EIPR1: variants seen among roughly 807,000 people sequenced by gnomAD.
EIPR1 encodes EARP and GARP complex-interacting protein 1.
In EIPR1, 25 loss-of-function variants were observed where a neutral mutation model predicts 48.1. The observed-to-expected ratio is 0.52, with a 90% CI of 0.38 to 0.73. EIPR1 has a LOEUF of 0.73. Ranked by LOEUF, EIPR1 falls within the 30% of genes least tolerant of loss-of-function variation. EIPR1 has a pLI of 0.00. For missense variants in EIPR1, 415 were observed against 506.2 expected (o/e 0.82, Z 1.73); for synonymous variants, 204 against 201.9 (o/e 1.01, Z -0.09).
At chr2:3,233,481 T>C (rs1375085336) in intron 4 of EIPR1, among the ~76,000 whole-genome samples, 1 of 152,194 alleles carries the variant, frequency 6.6e-6, no homozygotes, top group Non-Finnish European at 1.5e-5. Context: ...TTTCCCAAAT[T>C]GTCTTCCTAG....
chr2:3,356,815 C>T (rs1000970430), intron 1 of EIPR1, among the ~76,000 whole-genome samples: 1 of 152,220 alleles, frequency 6.6e-6, no homozygotes, highest in Non-Finnish European at 1.5e-5. Flanking sequence ...GGAGGCAGGG[C>T]CTAAGGCCAA....
At chr2:3,269,480 G>GTCATCGCATTCAA (rs1667618728) in intron 3 of EIPR1, among the ~76,000 whole-genome samples, 1 of 31,230 alleles carries the variant, frequency 3.2e-5, no homozygotes, top group African/African-American at 1.4e-4. Context: ...ATCGCACTCA[G>GTCATCGCATTCAA]TCATCGCACT....
intron 3 of EIPR1, among the ~76,000 whole-genome samples, chr2:3,314,829 G>A (rs944728440): frequency 1.8e-4 from 28 of 151,830 alleles, no homozygotes; most frequent in Admixed American, 1.2e-3. Context: ...ATGCACCTGC[G>A]GATGCTCTCA....
At chr2:3,299,626 A>T (rs3916770) in intron 3 of EIPR1, among the ~76,000 whole-genome samples, 3,337 of 134,116 alleles carry the variant, frequency 0.025, 43 homozygotes, top group Non-Finnish European at 0.033. Flanking sequence ...TCTCTCTCTC[A>T]CACACACACA....
At chr2:3,310,979 G>A (rs1023456466) in intron 3 of EIPR1, among the ~76,000 whole-genome samples, 4 of 151,890 alleles carry the variant, frequency 2.6e-5, no homozygotes, top group African/African-American at 9.7e-5. Flanking sequence ...GAAATTTTAC[G>A]TACAAGACCC....
chr2:3,310,652 C>CAAAAAAAAAAAAA (rs751422009), intron 3 of EIPR1, among the ~76,000 whole-genome samples: 1 of 55,294 alleles, frequency 1.8e-5, no homozygotes, highest in Non-Finnish European at 4.0e-5. Context: ...GACTCCGTCT[C>CAAAAAAAAAAAAA]AAAAAAAAAA....
chr2:3,199,144 T>C lies in EIPR1; in HGVS notation c.517-2127A>G, dbSNP rs917888891. ...TTACTGGGGAAAGAATTCAGCGATATTTATCTTATCCGTTTTGGTAATAAG... is the reference window on the plus strand; with the variant it reads ...TTACTGGGGAAAGAATTCAGCGATACTTATCTTATCCGTTTTGGTAATAAG... On this transcript the variant is annotated intron_variant, in intron 5 of 8. Coordinates refer to ENST00000382125, the MANE Select transcript of EIPR1 (RefSeq NM_003310.5). Among the ~76,000 whole-genome samples the C allele has an allele frequency of 1.1e-3, 166 of 149,250 alleles. 1 individual carries two copies. The highest frequency in any genetic ancestry group is 3.9e-3 in the African/African-American group (160 of 40,580).
At chr2:3,282,230 T>G (rs1572392738) in intron 3 of EIPR1, among the ~76,000 whole-genome samples, 1 of 152,180 alleles carries the variant, frequency 6.6e-6, no homozygotes, top group Admixed American at 6.5e-5. Flanking sequence ...CACCGTCAGG[T>G]GGGGGCACTG....
rs181025846 is a variant in EIPR1 at position 3,283,589 on chromosome 2, C to T, written c.260-26134G>A. On this transcript the variant is annotated intron_variant, in intron 3 of 8. Transcript: ENST00000382125. ...CATGCCTTCCCCCAGCTGCAAAGGACGCCCAGACGGGCAGGAGAGCCAGAT... is the reference window on the plus strand; with the variant it reads ...CATGCCTTCCCCCAGCTGCAAAGGATGCCCAGACGGGCAGGAGAGCCAGAT... Among the ~76,000 whole-genome samples, 162 of 152,332 alleles carry T rather than the reference C, an allele frequency of 1.1e-3. 1 individual carries two copies. In the South Asian group the frequency reaches 0.014, roughly 13 times the overall value.
At position 3,189,755 on chromosome 2, in the gene EIPR1, G is replaced by T. The variant is rs535174655; in HGVS notation, c.990-247C>A. Among the ~76,000 whole-genome samples, 2 of 152,160 alleles carry T rather than the reference G, an allele frequency of 1.3e-5. No individual in the cohort carries two copies. Among genetic ancestry groups the T allele is most frequent in the Non-Finnish European group, 2.9e-5 (2 of 68,034 alleles). Reference sequence around the variant, plus strand: ...ATTTCTCAAAAGGTTTATGGAAATCGGCGACATTGGCACATGGTGTCTTGG... The same window carrying T: ...ATTTCTCAAAAGGTTTATGGAAATCTGCGACATTGGCACATGGTGTCTTGG... On this transcript the variant is annotated intron_variant, in intron 8 of 8. Transcript: ENST00000382125. This position sits in a 1 kb window ranked among gnomAD's most constrained non-coding sequence, Gnocchi z 4.6.
At chr2:3,369,444 C>T (rs778634449) in intron 1 of EIPR1, among the ~76,000 whole-genome samples, 3 of 152,126 alleles carry the variant, frequency 2.0e-5, no homozygotes, top group Non-Finnish European at 4.4e-5. Flanking sequence ...TTGCCTCACT[C>T]GGGAAGTGCA....
Position 3,197,020 on chromosome 2 carries a change from G to A in EIPR1, c.517-3C>T. On this transcript the variant is annotated splice_region_variant and splice_polypyrimidine_tract_variant and intron_variant, in intron 5 of 8. Transcript: ENST00000382125. Reference sequence around the variant, plus strand: ...TCCAGGGACGCTGAGCTGGCCAGCTGGGAGTGTCACGATGTTTTCCAAAGG... The same window carrying A: ...TCCAGGGACGCTGAGCTGGCCAGCTAGGAGTGTCACGATGTTTTCCAAAGG... 1 of 1,613,608 alleles carries A rather than the reference G, an allele frequency of 6.2e-7. No homozygotes were observed. Among genetic ancestry groups the A allele is most frequent in the African/African-American group, 1.3e-5 (1 of 75,064 alleles).
intron 5 of EIPR1, chr2:3,208,420 T>C (rs1349753379): frequency 6.8e-7 from 1 of 1,462,258 alleles, no homozygotes; most frequent in Non-Finnish European, 9.0e-7. Flanking sequence ...TCAGACCACG[T>C]CACCTTCAGA....
At chr2:3,261,911 G>A (rs1049042401) in intron 3 of EIPR1, 3 of 152,302 alleles carry the variant, frequency 2.0e-5, no homozygotes, top group Non-Finnish European at 4.4e-5. Flanking sequence ...AGAGACCTGC[G>A]CTTACTTTAA....
Position 3,206,186 on chromosome 2 carries a change from C to G in EIPR1, c.516+7963G>C, listed in dbSNP as rs1191908634. ...ACTTGGGCTCTCCTGGCGGGACACC[C>G]AGGCTCTTGTGGTGGGATACCTGGC... On this transcript the variant is annotated intron_variant, in intron 5 of 8. Transcript: ENST00000382125. Among the ~76,000 whole-genome samples, 3 of 152,202 alleles carry G rather than the reference C, an allele frequency of 2.0e-5. No individual in the cohort carries two copies. The East Asian group carries it at 5.8e-4, about 29-fold the overall frequency.
intron 3 of EIPR1, among the ~76,000 whole-genome samples, chr2:3,257,949 A>T (rs1022825505): frequency 2.0e-5 from 3 of 152,212 alleles, no homozygotes; most frequent in African/African-American, 7.2e-5. Context: ...CAGTTTACCT[A>T]AAGTGATGAG....
In EIPR1 at chr2:3,194,077, C is replaced by G; in HGVS notation, c.743G>C (p.Gly248Ala). ...CCAGAACTTCACCTTACAGTCGTCT[C>G]CGCAGCTGGCCAAGTAGTACTGCTT... ...PNKQYYLASCGDDCKVKFWDT... is the reference protein window; with the variant it reads ...PNKQYYLASCADDCKVKFWDT... Residue 248 changes from glycine to alanine, a missense_variant, in exon 7 of 9, where the codon GGA (glycine) becomes GCA (alanine). Coordinates refer to ENST00000382125, the MANE Select transcript of EIPR1 (RefSeq NM_003310.5). The G allele has an allele frequency of 1.2e-6, 2 of 1,613,952 alleles. 1 individual carries two copies. The highest frequency in any genetic ancestry group is 4.5e-5 in the East Asian group (2 of 44,882).
chr2:3,304,498 T>TC (rs772981368), intron 3 of EIPR1, among the ~76,000 whole-genome samples: 2,788 of 8,670 alleles, frequency 0.32, 1,130 homozygotes, highest in East Asian at 0.41. Context: ...TCCAGTCCCA[T>TC]CAGTTCAGCC....
intron 8 of EIPR1, among the ~76,000 whole-genome samples, chr2:3,191,482 G>A (rs896726443): frequency 6.6e-6 from 1 of 152,224 alleles, no homozygotes; most frequent in African/African-American, 2.4e-5. Context: ...TCTCACAGAG[G>A]AATTTTAGAC....
Sources: allele counts gnomAD v4.1 joint callset (sites outside exome capture counted in the v4.1 genomes callset), GRCh38; gene constraint gnomAD v4.1.1; non-coding constraint Gnocchi (gnomAD v3.1); transcripts MANE v1.5; gene names NCBI Gene and HGNC (gene_info 2026-07-23, HGNC 2026-07-21).